The following EZR variants were observed in gnomAD, a reference collection of about 807,000 sequenced individuals.
EZR encodes cytovillin 2.
Under a neutral mutation model 74.8 loss-of-function variants are expected in EZR, and 40 were observed. The ratio of observed to expected loss-of-function variants is 0.53; its 90% confidence interval spans 0.42 to 0.70. The LOEUF (loss-of-function observed/expected upper bound fraction) is 0.70. Among genes scored for constraint, EZR ranks in the 30% least tolerant of loss-of-function variants. The pLI, the probability that EZR is intolerant of heterozygous loss-of-function variation, is 0.00. For missense variants in EZR, 678 were observed against 755.8 expected (o/e 0.90, Z 1.21); for synonymous variants, 341 against 283.3 (o/e 1.20, Z -2.05).
intron 2 of EZR, among the ~76,000 whole-genome samples, chr6:158,792,516 G>C (rs568328940): frequency 4.6e-5 from 7 of 151,120 alleles, no homozygotes. Context: ...CAACCCAGTA[G>C]CGTGTAGAAA....
intron 2 of EZR, among the ~76,000 whole-genome samples, chr6:158,814,539 TAA>T (rs1312491325): frequency 1.6e-5 from 2 of 128,162 alleles, no homozygotes; most frequent in Non-Finnish European, 1.6e-5. Context: ...TGCTGATGAA[TAA>T]AGTCTTTTTT....
At chr6:158,819,101 GGA>G (rs1777633747) in intron 1 of EZR, among the ~76,000 whole-genome samples, 2 of 152,168 alleles carry the variant, frequency 1.3e-5, no homozygotes, top group South Asian at 2.1e-4. Context: ...GTTTCCTTCG[GGA>G]GAGACCTGAG....
At position 158,766,848 on chromosome 6, in the gene EZR, AC is replaced by A. The variant is rs779523318; in HGVS notation, c.*65del. The A allele has an allele frequency of 9.4e-4, 1,300 of 1,382,624 alleles. 3 individuals carry two copies. Among genetic ancestry groups the A allele is most frequent in the Non-Finnish European group, 1.2e-3 (1,200 of 1,024,122 alleles). The allele number at this position is 1,382,624 out of a possible 1,614,324, so 85.6% of individuals were successfully genotyped here. A position where few individuals can be genotyped will look rare whatever the true frequency, so the allele number is the denominator to read the frequency against. On this transcript the variant is annotated 3_prime_UTR_variant, in exon 14 of 14. Transcript: ENST00000367075. ...TTCCTAGACTTGGAGCACTAAAGAC[AC>A]AAGCGTGGCGGGGCTGGCAGCGCCC...
At chr6:158,805,032 C>T (rs192086752) in intron 2 of EZR, among the ~76,000 whole-genome samples, 1 of 149,748 alleles carries the variant, frequency 6.7e-6, no homozygotes, top group Non-Finnish European at 1.5e-5. Flanking sequence ...TTTGTTCTTG[C>T]GATAGTTTAC....
intron 2 of EZR, among the ~76,000 whole-genome samples, chr6:158,813,459 C>T (rs1323879958): frequency 1.3e-5 from 2 of 152,194 alleles, no homozygotes; most frequent in East Asian, 3.8e-4. Flanking sequence ...TGCCTTACAG[C>T]GTGATCATGG....
chr6:158,793,739 C>T (rs1791802454), intron 2 of EZR, among the ~76,000 whole-genome samples: 2 of 152,212 alleles, frequency 1.3e-5, no homozygotes, highest in South Asian at 4.1e-4. Context: ...TTTCCAAATG[C>T]TCTATGGGGA....
chr6:158,818,579 C>T (rs932309405), intron 1 of EZR, among the ~76,000 whole-genome samples: 1 of 124,784 alleles, frequency 8.0e-6, no homozygotes, highest in Non-Finnish European at 1.7e-5. Context: ...GGGGAACACT[C>T]GGCCAGGAGG....
chr6:158,802,678 T>C (rs1777213141), intron 2 of EZR, among the ~76,000 whole-genome samples: 2 of 152,150 alleles, frequency 1.3e-5, no homozygotes, highest in East Asian at 1.9e-4. Flanking sequence ...ATTATAGGCA[T>C]GTGCCACCAC....
intron 2 of EZR, among the ~76,000 whole-genome samples, chr6:158,815,339 G>C (rs931788758): frequency 3.3e-5 from 5 of 152,112 alleles, no homozygotes; most frequent in African/African-American, 1.2e-4. Context: ...TTGTGGGATG[G>C]CTCTAATATA....
At chr6:158,803,750 CCT>C (rs1777269830) in intron 2 of EZR, among the ~76,000 whole-genome samples, 2 of 150,500 alleles carry the variant, frequency 1.3e-5, no homozygotes, top group African/African-American at 4.9e-5. Flanking sequence ...AAATAGCTCT[CCT>C]TTTTCCTCTG....
At chr6:158,771,198 A>C (rs771175271) in intron 9 of EZR, 46 bp downstream of exon 9, 12 of 1,562,456 alleles carry the variant, frequency 7.7e-6, no homozygotes, top group Middle Eastern at 4.0e-4. Flanking sequence ...CCAGTGGCTG[A>C]GTTGGGAGAA....
chr6:158,807,325 A>C (rs201670539), intron 2 of EZR, among the ~76,000 whole-genome samples: 37,572 of 151,192 alleles, frequency 0.25, 6,110 homozygotes, highest in African/African-American at 0.46. Flanking sequence ...AAAAAAAAAA[A>C]AAAAAAACAA....
chr6:158,783,674 G>C lies in EZR; in HGVS notation c.552-8C>G. The C allele has an allele frequency of 1.9e-6, 3 of 1,612,670 alleles. No individual in the cohort carries two copies. The highest frequency in any genetic ancestry group is 1.7e-6 in the Non-Finnish European group (2 of 1,179,272). On this transcript the variant is annotated splice_region_variant and splice_polypyrimidine_tract_variant and intron_variant, in intron 6 of 13. Transcript: ENST00000367075. ...TCCAACATAGCATTATCTCTAATTG[G>C]GGAGAGTGAAACAGGCAGAGTCACT...
chr6:158,800,019 T>C (rs1777157658), intron 2 of EZR, among the ~76,000 whole-genome samples: 1 of 152,224 alleles, frequency 6.6e-6, no homozygotes. Context: ...TACATTATTA[T>C]GGTTTCCAGC....
intron 1 of EZR, among the ~76,000 whole-genome samples, chr6:158,818,940 T>C (rs1400498989): frequency 6.6e-6 from 1 of 151,956 alleles, no homozygotes; most frequent in East Asian, 1.9e-4. Context: ...AGGAAGCCCG[T>C]GAGAAGCCGA....
chr6:158,807,329 A>AAAAC (rs1335925707), intron 2 of EZR, among the ~76,000 whole-genome samples: 6 of 149,382 alleles, frequency 4.0e-5, no homozygotes, highest in Non-Finnish European at 3.0e-5. Flanking sequence ...AAAAAAAAAA[A>AAAAC]AAACAAACAA....
intron 2 of EZR, among the ~76,000 whole-genome samples, chr6:158,791,646 A>C (rs1791749002): frequency 6.7e-6 from 1 of 150,360 alleles, no homozygotes; most frequent in African/African-American, 2.4e-5. Context: ...ACTGAAGGCC[A>C]CTGTCTGGTT....
intron 2 of EZR, among the ~76,000 whole-genome samples, chr6:158,807,679 G>T (rs893230346): frequency 3.9e-5 from 6 of 152,144 alleles, no homozygotes; most frequent in African/African-American, 1.4e-4. Context: ...TCTAGCTCTT[G>T]CCAAAGCCTA....
intron 8 of EZR, among the ~76,000 whole-genome samples, chr6:158,775,034 CTTTT>C (rs397732491): frequency 1.6e-5 from 2 of 121,546 alleles, no homozygotes. Context: ...AGCAGGAGCC[CTTTT>C]TTTTTTTTTT....
Sources: allele counts gnomAD v4.1 joint callset (sites outside exome capture counted in the v4.1 genomes callset), GRCh38; gene constraint gnomAD v4.1.1; transcripts MANE v1.5; gene names NCBI Gene and HGNC (gene_info 2026-07-23, HGNC 2026-07-21).